The following NKAIN2 variants were observed in gnomAD, a reference collection of about 807,000 sequenced individuals.
NKAIN2 encodes sodium/potassium-transporting ATPase subunit beta-1-interacting protein 2.
In NKAIN2, 14 loss-of-function variants were observed where a neutral mutation model predicts 32.6. The ratio of observed to expected loss-of-function variants is 0.43; its 90% confidence interval spans 0.28 to 0.67. NKAIN2 has a LOEUF of 0.67. Ranked by LOEUF, NKAIN2 falls within the 30% of genes least tolerant of loss-of-function variation. The probability of loss-of-function intolerance (pLI) is 0.17; values close to 1 mark genes in which losing one functional copy is unlikely to be tolerated. For missense variants in NKAIN2, 198 were observed against 258.3 expected (o/e 0.77, Z 1.60); for synonymous variants, 80 against 87.2 (o/e 0.92, Z 0.46).
chr6:124,078,477 A>C (rs757350138), intron 1 of NKAIN2, among the ~76,000 whole-genome samples: 18 of 152,186 alleles, frequency 1.2e-4, no homozygotes, highest in Non-Finnish European at 2.2e-4. Flanking sequence ...TTTACAGATA[A>C]GGAAATTGCA....
chr6:124,406,866 A>G (rs941585628), intron 3 of NKAIN2, among the ~76,000 whole-genome samples: 1 of 152,004 alleles, frequency 6.6e-6, no homozygotes, highest in African/African-American at 2.4e-5. Flanking sequence ...TTCCATCTAT[A>G]TATCTATATA....
intron 1 of NKAIN2, among the ~76,000 whole-genome samples, chr6:124,197,925 G>T (rs1302317637): frequency 6.9e-6 from 1 of 144,080 alleles, no homozygotes; most frequent in Non-Finnish European, 1.5e-5. Context: ...TTATTATATA[G>T]CTCCAGAAAC....
At chr6:124,526,914 G>A (rs927091582) in intron 3 of NKAIN2, among the ~76,000 whole-genome samples, 1 of 152,078 alleles carries the variant, frequency 6.6e-6, no homozygotes, top group Non-Finnish European at 1.5e-5. Context: ...CTATCTCCAG[G>A]ACCAGCTTTC....
chr6:124,010,165 A>G (rs145352584), intron 1 of NKAIN2, among the ~76,000 whole-genome samples: 2 of 152,008 alleles, frequency 1.3e-5, no homozygotes, highest in East Asian at 1.9e-4. Context: ...AGGGTGGACC[A>G]CTCCCATTTC....
At chr6:124,064,710 T>C (rs984532162) in intron 1 of NKAIN2, among the ~76,000 whole-genome samples, 1 of 152,188 alleles carries the variant, frequency 6.6e-6, no homozygotes, top group African/African-American at 2.4e-5. Context: ...TATATAATTA[T>C]AGTGTCGTTT....
At chr6:123,931,662 C>T (rs1387626228) in intron 1 of NKAIN2, among the ~76,000 whole-genome samples, 1 of 151,972 alleles carries the variant, frequency 6.6e-6, no homozygotes, top group East Asian at 1.9e-4. Flanking sequence ...ATTCATTTAT[C>T]TGTCCTTTGA....
intron 1 of NKAIN2, among the ~76,000 whole-genome samples, chr6:124,258,791 C>T (rs1426696331): frequency 6.6e-6 from 1 of 152,180 alleles, no homozygotes; most frequent in Non-Finnish European, 1.5e-5. Context: ...TTAATTTCTT[C>T]TTTTAACTTT....
At chr6:124,480,790 A>G (rs1224613674) in intron 3 of NKAIN2, among the ~76,000 whole-genome samples, 1 of 152,074 alleles carries the variant, frequency 6.6e-6, no homozygotes, top group East Asian at 1.9e-4. Context: ...TAATATCTGA[A>G]ATTGATTGGC....
At chr6:124,568,517 T>C (rs1781005837) in intron 3 of NKAIN2, among the ~76,000 whole-genome samples, 1 of 152,174 alleles carries the variant, frequency 6.6e-6, no homozygotes, top group South Asian at 2.1e-4. Flanking sequence ...ATAAGGTAAG[T>C]AACTTCCCTG....
intron 1 of NKAIN2, among the ~76,000 whole-genome samples, chr6:124,091,593 A>G (rs1184674989): frequency 6.6e-6 from 1 of 151,958 alleles, no homozygotes; most frequent in Non-Finnish European, 1.5e-5. Flanking sequence ...AAATATTATC[A>G]AATTCTAAAT....
intron 3 of NKAIN2, among the ~76,000 whole-genome samples, chr6:124,642,520 A>C (rs530665005): frequency 3.3e-5 from 5 of 152,300 alleles, no homozygotes; most frequent in African/African-American, 1.2e-4. Flanking sequence ...AGATATTGGC[A>C]GTGCAATACA....
At chr6:124,664,671 G>A (rs1772686177) in intron 4 of NKAIN2, among the ~76,000 whole-genome samples, 1 of 148,590 alleles carries the variant, frequency 6.7e-6, no homozygotes, top group East Asian at 2.0e-4. Context: ...GCGGGCGCCT[G>A]TAGTCCCAGC....
At chr6:124,657,168 T>C (rs1012314166) in intron 3 of NKAIN2, among the ~76,000 whole-genome samples, 2 of 152,240 alleles carry the variant, frequency 1.3e-5, no homozygotes, top group African/African-American at 4.8e-5. Context: ...TAAGACGTTA[T>C]CTGTACAGGG....
At chr6:124,704,598 T>C (rs1457673408) in intron 4 of NKAIN2, among the ~76,000 whole-genome samples, 1 of 151,550 alleles carries the variant, frequency 6.6e-6, no homozygotes, top group Admixed American at 6.6e-5. Flanking sequence ...ATAGACAATG[T>C]TTGACTGGAA....
intron 3 of NKAIN2, among the ~76,000 whole-genome samples, chr6:124,396,188 T>C (rs745399874): frequency 6.6e-6 from 1 of 151,956 alleles, no homozygotes; most frequent in Non-Finnish European, 1.5e-5. Context: ...AATGAAACAA[T>C]GGGTATCTCC....
intron 2 of NKAIN2, among the ~76,000 whole-genome samples, chr6:124,340,400 C>T (rs12111443): frequency 6.6e-6 from 1 of 152,038 alleles, no homozygotes; most frequent in Admixed American, 6.5e-5. Flanking sequence ...ATTTTAGGTT[C>T]ATGGGTGCAC....
chr6:124,290,144 T>G (rs1252017871), intron 2 of NKAIN2, among the ~76,000 whole-genome samples: 1 of 152,158 alleles, frequency 6.6e-6, no homozygotes, highest in Non-Finnish European at 1.5e-5. Flanking sequence ...CAATTTATTC[T>G]CAAAAGAATG....
At chr6:124,723,494 T>C (rs1157756886) in intron 4 of NKAIN2, among the ~76,000 whole-genome samples, 1 of 152,240 alleles carries the variant, frequency 6.6e-6, no homozygotes, top group Non-Finnish European at 1.5e-5. Context: ...AGTTATTTTA[T>C]GATTATTTGA....
intron 4 of NKAIN2, among the ~76,000 whole-genome samples, chr6:124,779,285 AAGGCAGGAAG>A (rs1779138603): frequency 4.9e-4 from 37 of 75,328 alleles, no homozygotes; most frequent in African/African-American, 1.1e-3. Flanking sequence ...GAGAGAGAGG[AAGGCAGGAAG>A]GAGGGAGGGA....
Sources: gnomAD v4.1 joint callset for allele counts (sites outside exome capture counted in the v4.1 genomes callset) on GRCh38, gnomAD v4.1.1 for gene constraint, MANE v1.5 for transcripts, NCBI Gene and HGNC (gene_info 2026-07-23, HGNC 2026-07-21) for gene names.